PAGE2B: variants seen among roughly 807,000 people sequenced by gnomAD.
The protein encoded by PAGE2B is putative G antigen family E member 3.
PAGE2B carries 5 observed loss-of-function variants against 7.6 expected under a neutral mutation model. The observed-to-expected ratio is 0.66, with a 90% confidence interval of 0.34 to 1.38. PAGE2B has a LOEUF of 1.38. PAGE2B is among the 40% of genes most tolerant of loss of function. The probability of loss-of-function intolerance (pLI) is 0.04; values close to 1 mark genes in which losing one functional copy is unlikely to be tolerated. For synonymous variants in PAGE2B, 29 were observed against 26.7 expected (o/e 1.09, Z -0.27); for missense variants, 70 against 78.4 (o/e 0.89, Z 0.41).
chrX:55,044,053 AAATGT>A, the PAGE2B span, among the ~76,000 whole-genome samples: 1 of 109,874 alleles, frequency 9.1e-6, no homozygotes, highest in Non-Finnish European at 1.9e-5. Flanking sequence ...CTGTTGGTGG[AAATGT>A]AAACTATTAC....
the PAGE2B span, among the ~76,000 whole-genome samples, chrX:55,063,297 C>A: frequency 1.8e-5 from 2 of 111,068 alleles, no homozygotes; most frequent in Non-Finnish European, 3.8e-5. Flanking sequence ...TTTGGTTAAG[C>A]AAATTCCTAG....
At chrX:55,071,288 C>T (rs145707997), upstream of PAGE2B, among the ~76,000 whole-genome samples, 1,032 of 110,742 alleles carry the variant, frequency 9.3e-3, 12 homozygotes, top group African/African-American at 0.032. Context: ...TAAAGGATTT[C>T]GTTTCTCCTT....
the PAGE2B span, among the ~76,000 whole-genome samples, chrX:55,052,386 G>T: frequency 8.9e-6 from 1 of 112,602 alleles, no homozygotes; most frequent in Non-Finnish European, 1.9e-5. Flanking sequence ...TCTTTTGTTT[G>T]TCTGTTCCCT....
the PAGE2B span, among the ~76,000 whole-genome samples, chrX:55,066,815 G>A: frequency 9.0e-6 from 1 of 111,400 alleles, no homozygotes; most frequent in African/African-American, 3.3e-5. Flanking sequence ...GTACTTGAAT[G>A]TTGATATCTT....
chrX:55,042,653 C>CAAAAAAA, the PAGE2B span, among the ~76,000 whole-genome samples: 26 of 11,868 alleles, frequency 2.2e-3, 4 homozygotes, highest in African/African-American at 2.6e-3. Context: ...GACTCCGTCT[C>CAAAAAAA]AAAAAAAAAA....
At chrX:55,061,637 A>T in the PAGE2B span, among the ~76,000 whole-genome samples, 2 of 110,948 alleles carry the variant, frequency 1.8e-5, no homozygotes, top group Admixed American at 9.6e-5. Flanking sequence ...GTATGATTAA[A>T]TTATTATTGA....
At chrX:55,070,285 C>T (rs569166540), upstream of PAGE2B, among the ~76,000 whole-genome samples, 2 of 111,892 alleles carry the variant, frequency 1.8e-5, no homozygotes, top group African/African-American at 3.2e-5. Flanking sequence ...GCCTTCATTT[C>T]GTTATGTACC....
chrX:55,073,593 C>A (rs1432742030), upstream of PAGE2B, among the ~76,000 whole-genome samples: 1 of 111,960 alleles, frequency 8.9e-6, no homozygotes, highest in Non-Finnish European at 1.9e-5. Flanking sequence ...AGTTTAATAG[C>A]AACATCACTG....
the PAGE2B span, among the ~76,000 whole-genome samples, chrX:55,066,567 A>T: frequency 8.9e-6 from 1 of 111,921 alleles, no homozygotes; most frequent in Non-Finnish European, 1.9e-5. Context: ...CTTCTAGGAT[A>T]AAAAATTTTT....
the PAGE2B span, among the ~76,000 whole-genome samples, chrX:55,047,174 C>T: frequency 7.8e-4 from 85 of 109,148 alleles, no homozygotes; most frequent in Non-Finnish European, 6.9e-4. Flanking sequence ...TGGGAACATA[C>T]GGTGTTTGGA....
At chrX:55,042,610 C>T in the PAGE2B span, among the ~76,000 whole-genome samples, 17 of 90,523 alleles carry the variant, frequency 1.9e-4, no homozygotes, top group African/African-American at 5.1e-4. Flanking sequence ...GCCGAGATCC[C>T]GCCACTGCAC....
At chrX:55,041,808 C>T in the PAGE2B span, among the ~76,000 whole-genome samples, 1 of 111,651 alleles carries the variant, frequency 9.0e-6, no homozygotes, top group African/African-American at 3.3e-5. Context: ...CTTCCCATCA[C>T]GGGTTTCAAT....
the PAGE2B span, among the ~76,000 whole-genome samples, chrX:55,047,662 T>A: frequency 1.8e-5 from 2 of 112,192 alleles, no homozygotes; most frequent in African/African-American, 6.5e-5. Context: ...ATTTCTCTGA[T>A]GGCCAGTGAT....
chrX:55,063,692 C>T, the PAGE2B span, among the ~76,000 whole-genome samples: 1 of 110,903 alleles, frequency 9.0e-6, no homozygotes, highest in African/African-American at 3.3e-5. Context: ...AGCTATGGAC[C>T]TGTTGTATAT....
At chrX:55,076,165 T>G in intron 2 of PAGE2B, 40 bp downstream of exon 2, 1 of 1,174,166 alleles carries the variant, frequency 8.5e-7, no homozygotes. Flanking sequence ...TTAACACAAT[T>G]TATTTTAAGA....
chrX:55,057,130 A>G, the PAGE2B span, among the ~76,000 whole-genome samples: 1 of 111,283 alleles, frequency 9.0e-6, no homozygotes, highest in African/African-American at 3.3e-5. Context: ...CTGTAGTGGT[A>G]GAGAAATAGA....
the PAGE2B span, among the ~76,000 whole-genome samples, chrX:55,057,496 G>A: frequency 1.8e-5 from 2 of 111,339 alleles, no homozygotes; most frequent in East Asian, 2.8e-4. Flanking sequence ...TGCCCCTGCC[G>A]CCTTCCATTC....
the PAGE2B span, chrX:55,054,982 A>T: frequency 9.0e-6 from 1 of 111,645 alleles, no homozygotes; most frequent in Non-Finnish European, 1.9e-5. Flanking sequence ...TTCAACCACA[A>T]CAGAGAGGAA....
At chrX:55,061,608 C>G in the PAGE2B span, among the ~76,000 whole-genome samples, 1 of 111,081 alleles carries the variant, frequency 9.0e-6, no homozygotes, top group African/African-American at 3.3e-5. Flanking sequence ...TAATTATACT[C>G]TTTTAGTTAT....
Sources: gnomAD v4.1 joint callset for allele counts (sites outside exome capture counted in the v4.1 genomes callset) on GRCh38, gnomAD v4.1.1 for gene constraint, MANE v1.5 for transcripts, NCBI Gene and HGNC (gene_info 2026-07-23, HGNC 2026-07-21) for gene names.